RNF220: variants seen among roughly 807,000 people sequenced by gnomAD.
RNF220 encodes E3 ubiquitin-protein ligase RNF220.
Under a neutral mutation model 67.1 loss-of-function variants are expected in RNF220, and 7 were observed. The ratio of observed to expected loss-of-function variants is 0.10; its 90% confidence interval spans 0.06 to 0.20. The LOEUF (loss-of-function observed/expected upper bound fraction) is 0.20, where lower values mean the gene tolerates loss of function less well. Among genes scored for constraint, RNF220 ranks in the 10% least tolerant of loss-of-function variants. The probability of loss-of-function intolerance (pLI) is 1.00; values close to 1 mark genes in which losing one functional copy is unlikely to be tolerated. For missense variants in RNF220, 565 were observed against 740.3 expected (o/e 0.76, Z 2.75); for synonymous variants, 270 against 283.2 (o/e 0.95, Z 0.47).
intron 2 of RNF220, among the ~76,000 whole-genome samples, chr1:44,509,896 A>AG (rs1557996648): frequency 6.7e-6 from 1 of 148,218 alleles, no homozygotes; most frequent in East Asian, 2.0e-4. Flanking sequence ...AAAAAAAAAA[A>AG]AAAAAAAAAA....
rs767800307 is a variant in RNF220, at chr1:44,645,365, C to T, written c.1367-45C>T. The T allele has an allele frequency of 4.3e-6, 7 of 1,613,304 alleles. No homozygotes were observed. Among genetic ancestry groups the T allele is most frequent in the Middle Eastern group, 1.7e-4 (1 of 6,060 alleles). On this transcript the variant is annotated intron_variant, in intron 11 of 14. Transcript: ENST00000361799. This position sits in a 1 kb window ranked among gnomAD's most constrained non-coding sequence, Gnocchi z 5.0. ...ACTCAAGCCCAACCCCTCACCTGTG[C>T]TGCCCAGTCTGGCCGGAGTGTGAGT... is the stretch of plus-strand genomic sequence containing the variant.
intron 5 of RNF220, chr1:44,632,000 C>G (rs1013781806): frequency 9.8e-7 from 1 of 1,017,020 alleles, no homozygotes. Context: ...CCGCTTGGAG[C>G]TGAAGTGCCG....
intron 2 of RNF220, among the ~76,000 whole-genome samples, chr1:44,607,812 G>A (rs1667383992): frequency 6.6e-6 from 1 of 151,782 alleles, no homozygotes; most frequent in Non-Finnish European, 1.5e-5. Context: ...TCTATCTAGA[G>A]CACCACTTCC....
intron 2 of RNF220, among the ~76,000 whole-genome samples, chr1:44,438,299 T>C (rs1403905387): frequency 6.6e-6 from 1 of 152,030 alleles, no homozygotes. Flanking sequence ...TAAAAAAATT[T>C]TTTTGTAGAG....
Position 44,621,909 on chromosome 1 carries a change from A to T in RNF220, c.759-833A>T, listed in dbSNP as rs1302968931. Among the ~76,000 whole-genome samples, 1 of 151,974 alleles carries T rather than the reference A, an allele frequency of 6.6e-6. No individual in the cohort carries two copies. The highest frequency in any genetic ancestry group is 1.5e-5 in the Non-Finnish European group (1 of 67,914). Reference sequence around the variant, plus strand: ...CTGTGAGCATGTGTGTGTGTGTGTGAGTGCACGCGCATGAATGTGCGAGCA... The same window carrying T: ...CTGTGAGCATGTGTGTGTGTGTGTGTGTGCACGCGCATGAATGTGCGAGCA... On this transcript the variant is annotated intron_variant, in intron 3 of 14. Transcript: ENST00000361799. The surrounding 1 kb of genome is among the most constrained non-coding windows in gnomAD (Gnocchi z 4.8).
In RNF220 at chr1:44,621,361, G is replaced by A. The variant is rs1432553130; in HGVS notation, c.759-1381G>A. Among the ~76,000 whole-genome samples, 1 of 152,162 alleles carries A rather than the reference G, an allele frequency of 6.6e-6. No homozygotes were observed. Among genetic ancestry groups the A allele is most frequent in the East Asian group, 1.9e-4 (1 of 5,202 alleles). On this transcript the variant is annotated intron_variant, in intron 3 of 14. Transcript: ENST00000361799. This position sits in a 1 kb window ranked among gnomAD's most constrained non-coding sequence, Gnocchi z 4.8. Reference sequence around the variant, plus strand: ...AAAGTCTATGGGTATATATGTGTGCGCCTTTATACCAGGGTTTCTCAACCT... The same window carrying A: ...AAAGTCTATGGGTATATATGTGTGCACCTTTATACCAGGGTTTCTCAACCT...
intron 2 of RNF220, among the ~76,000 whole-genome samples, chr1:44,511,395 A>G (rs186311497): frequency 3.9e-5 from 6 of 152,294 alleles, no homozygotes; most frequent in Middle Eastern, 3.4e-3. Flanking sequence ...AGGGGAAAGG[A>G]AAGGTGGGGG....
chr1:44,463,236 G>A (rs549271029), intron 2 of RNF220, among the ~76,000 whole-genome samples: 83 of 152,064 alleles, frequency 5.5e-4, no homozygotes, highest in Admixed American at 7.8e-4. Context: ...TTGGGAGGCT[G>A]AGGCAGAAGA....
intron 3 of RNF220, among the ~76,000 whole-genome samples, chr1:44,619,453 C>A: frequency 6.6e-6 from 1 of 152,138 alleles, no homozygotes; most frequent in South Asian, 2.1e-4. Context: ...ATAAACAATT[C>A]CCCAAATAGA....
chr1:44,615,072 G>T (rs1643486797), intron 3 of RNF220, among the ~76,000 whole-genome samples: 1 of 152,118 alleles, frequency 6.6e-6, no homozygotes. Context: ...ATGTCTGGGG[G>T]TTGATGCTGG....
intron 8 of RNF220, 70 bp from the exon 9 acceptor site, chr1:44,644,628 G>A (rs960528935): frequency 1.6e-6 from 2 of 1,220,816 alleles, no homozygotes; most frequent in Admixed American, 1.7e-5. Flanking sequence ...ACCCCTACCT[G>A]GAGGCAACAG....
intron 2 of RNF220, among the ~76,000 whole-genome samples, chr1:44,471,328 A>G (rs1654786434): frequency 6.6e-6 from 1 of 152,184 alleles, no homozygotes; most frequent in Non-Finnish European, 1.5e-5. Context: ...CAGGAGGCTG[A>G]GGCGGGAGAA....
At chr1:44,596,942 T>G (rs1572992035) in intron 2 of RNF220, among the ~76,000 whole-genome samples, 1 of 152,160 alleles carries the variant, frequency 6.6e-6, no homozygotes, top group African/African-American at 2.4e-5. Flanking sequence ...TTCTAATAAT[T>G]AATACTATGG....
At chr1:44,581,042 T>C (rs1235357465) in intron 2 of RNF220, among the ~76,000 whole-genome samples, 3 of 152,204 alleles carry the variant, frequency 2.0e-5, no homozygotes, top group Admixed American at 6.5e-5. Flanking sequence ...CATCTGTGCT[T>C]AAGAGCTGAG....
At chr1:44,613,326 C>A (rs1206144159) in intron 2 of RNF220, among the ~76,000 whole-genome samples, 1 of 141,530 alleles carries the variant, frequency 7.1e-6, no homozygotes, top group East Asian at 2.0e-4. Context: ...AACCCCACAC[C>A]TGTAAGCAGA....
intron 2 of RNF220, among the ~76,000 whole-genome samples, chr1:44,524,629 G>C (rs1321012564): frequency 6.6e-6 from 1 of 152,072 alleles, no homozygotes; most frequent in Non-Finnish European, 1.5e-5. Flanking sequence ...TCTCTCCTCT[G>C]TCTCTCTCTA....
rs763613540 is a variant in RNF220, at chr1:44,644,653, GC to G, written c.1127-43del. On this transcript the variant is annotated intron_variant, in intron 8 of 14. Coordinates refer to ENST00000361799, the MANE Select transcript of RNF220 (RefSeq NM_018150.4). ...GGAGGCAACAGGAGGGGCACCCTTG[GC>G]CTCGTCTTGTCCCCAGGCCCTCCTC... The G allele has an allele frequency of 3.3e-6, 5 of 1,525,762 alleles. No individual in the cohort carries two copies. In the Admixed American group the frequency reaches 5.0e-5, roughly 15 times the overall value. The allele number at this position is 1,525,762 out of a possible 1,614,324, so 94.5% of individuals were successfully genotyped here.
intron 2 of RNF220, among the ~76,000 whole-genome samples, chr1:44,559,053 GT>G (rs1663347536): frequency 6.6e-6 from 1 of 152,224 alleles, no homozygotes; most frequent in Non-Finnish European, 1.5e-5. Context: ...TTTGTTCAGT[GT>G]TTTGTCCCTA....
intron 2 of RNF220, among the ~76,000 whole-genome samples, chr1:44,588,626 C>A (rs905443855): frequency 7.7e-6 from 1 of 129,072 alleles, no homozygotes; most frequent in African/African-American, 2.5e-5. Context: ...ACATTTAATG[C>A]CCCTGGTTGG....
Sources: gnomAD v4.1 joint callset for allele counts (sites outside exome capture counted in the v4.1 genomes callset) on GRCh38, gnomAD v4.1.1 for gene constraint, Gnocchi (gnomAD v3.1) non-coding constraint, MANE v1.5 for transcripts, NCBI Gene and HGNC (gene_info 2026-07-23, HGNC 2026-07-21) for gene names.